The following HERC4 variants were observed in gnomAD, a reference collection of about 807,000 sequenced individuals.
The protein encoded by HERC4 is probable E3 ubiquitin-protein ligase HERC4.
Under a neutral mutation model 124.3 loss-of-function variants are expected in HERC4, and 28 were observed. That is an observed-to-expected ratio of 0.23 (90% CI 0.17 to 0.31). The LOEUF is 0.31. Ranked by LOEUF, HERC4 falls within the 10% of genes least tolerant of loss-of-function variation. The pLI is 1.00. For synonymous variants in HERC4, 407 were observed against 421.5 expected (o/e 0.97, Z 0.42); for missense variants, 713 against 1,229.3 (o/e 0.58, Z 6.28).
intron 3 of HERC4, among the ~76,000 whole-genome samples, chr10:68,071,835 A>C (rs747072916): frequency 1.3e-5 from 2 of 152,244 alleles, no homozygotes; most frequent in African/African-American, 2.4e-5. Flanking sequence ...AAGAAAATAC[A>C]CTAAGACCTT....
rs2041233295 is a variant in HERC4 at position 68,065,020 on chromosome 10, C to T, written c.226+7863G>A. On this transcript the variant is annotated intron_variant, in intron 3 of 24. Coordinates refer to ENST00000373700, the MANE Select transcript of HERC4 (RefSeq NM_015601.4). ...TAGAATACTTAAATAAATTTTGGTA[C>T]ATCTAAATGATGAAATGTTAATTAT... is the stretch of plus-strand genomic sequence containing the variant. Among the ~76,000 whole-genome samples, 3 of 150,982 alleles carry T rather than the reference C, an allele frequency of 2.0e-5. No individual in the cohort carries two copies. In the South Asian group the frequency reaches 6.3e-4, roughly 31 times the overall value.
chr10:67,998,019 C>A (rs2036995236), intron 9 of HERC4, among the ~76,000 whole-genome samples: 1 of 151,972 alleles, frequency 6.6e-6, no homozygotes, highest in Non-Finnish European at 1.5e-5. Flanking sequence ...CTGCCTCAGC[C>A]TCTGGAGTAG....
rs191890171 is a variant in HERC4, at chr10:67,940,564, C to T, written c.2504+375G>A. Among the ~76,000 whole-genome samples, 220 of 152,166 alleles carry T rather than the reference C, an allele frequency of 1.4e-3. No homozygotes were observed. The East Asian group carries it at 0.02, about 14-fold the overall frequency. On this transcript the variant is annotated intron_variant, in intron 20 of 24. Transcript: ENST00000373700. The stretch of plus-strand genomic sequence containing the variant: ...CCTCCTGAATAGCTGGGACTACAGG[C>T]GTGGGCCACCACGCCTGGCTAATTT...
chr10:67,982,382 C>CA (rs906781753), intron 15 of HERC4, among the ~76,000 whole-genome samples: 16 of 152,260 alleles, frequency 1.1e-4, no homozygotes, highest in Middle Eastern at 3.4e-3. Context: ...GGACAAAAGA[C>CA]AGTCTCTTCA....
At chr10:67,935,043 T>C (rs2032218779) in intron 22 of HERC4, among the ~76,000 whole-genome samples, 1 of 152,112 alleles carries the variant, frequency 6.6e-6, no homozygotes, top group Non-Finnish European at 1.5e-5. Context: ...CGGTTTCCTC[T>C]GAAGTTTTGT....
At chr10:68,062,129 G>A (rs962691576) in intron 3 of HERC4, among the ~76,000 whole-genome samples, 3 of 151,944 alleles carry the variant, frequency 2.0e-5, no homozygotes, top group Non-Finnish European at 4.4e-5. Flanking sequence ...AAACAAAATC[G>A]AAAATAAACA....
intron 3 of HERC4, among the ~76,000 whole-genome samples, chr10:68,046,915 G>A (rs765202157): frequency 2.0e-5 from 3 of 152,076 alleles, no homozygotes; most frequent in Non-Finnish European, 2.9e-5. Context: ...CTGTGATCAC[G>A]CCACTGTATT....
intron 23 of HERC4, among the ~76,000 whole-genome samples, chr10:67,928,274 G>A (rs1175241025): frequency 6.6e-6 from 1 of 152,122 alleles, no homozygotes; most frequent in Non-Finnish European, 1.5e-5. Context: ...TTCATTTTAA[G>A]GTGATTAGAG....
At chr10:68,073,500 C>T (rs2041667760) in intron 2 of HERC4, among the ~76,000 whole-genome samples, 157 bp downstream of exon 2, 1 of 152,170 alleles carries the variant, frequency 6.6e-6, no homozygotes, top group South Asian at 2.1e-4. Context: ...AAATTAATCA[C>T]AATTTTTTCT....
intron 10 of HERC4, 100 bp downstream of exon 10, chr10:67,992,506 G>C: frequency 9.5e-7 from 1 of 1,057,030 alleles, no homozygotes; most frequent in Non-Finnish European, 1.4e-6. Flanking sequence ...AAAAAACTAA[G>C]GCAATTACTT....
chr10:67,932,812 A>G (rs1370668637), intron 22 of HERC4, 32 bp from the exon 23 acceptor site: 1 of 1,539,430 alleles, frequency 6.5e-7, no homozygotes, highest in South Asian at 1.2e-5. Context: ...TGTACAGATT[A>G]TAAAAATCAT....
chr10:67,925,762 C>G (rs1173868209), intron 23 of HERC4, among the ~76,000 whole-genome samples: 1 of 152,042 alleles, frequency 6.6e-6, no homozygotes, highest in Non-Finnish European at 1.5e-5. Context: ...ATCACTCACT[C>G]TGGGGGAAAC....
chr10:67,929,916 C>G (rs1016280988), intron 23 of HERC4, among the ~76,000 whole-genome samples: 1 of 151,262 alleles, frequency 6.6e-6, no homozygotes, highest in African/African-American at 2.4e-5. Flanking sequence ...TAGGTTCAAG[C>G]GATTCTCCTG....
intron 22 of HERC4, among the ~76,000 whole-genome samples, chr10:67,934,056 ACT>A (rs946307712): frequency 6.6e-6 from 1 of 152,230 alleles, no homozygotes; most frequent in Middle Eastern, 3.4e-3. Context: ...CAACTATTTA[ACT>A]CTTTTTGCTA....
chr10:67,991,436 T>G (rs60339707), intron 11 of HERC4, among the ~76,000 whole-genome samples: 2 of 152,166 alleles, frequency 1.3e-5, no homozygotes, highest in Admixed American at 1.3e-4. Context: ...CATCCATTTA[T>G]CCAATGTTAT....
chr10:67,934,667 T>G (rs149291370), intron 22 of HERC4, among the ~76,000 whole-genome samples: 1 of 152,172 alleles, frequency 6.6e-6, no homozygotes, highest in Non-Finnish European at 1.5e-5. Flanking sequence ...ATTTGATAAT[T>G]TGGATACAGA....
At chr10:68,039,850 G>GA (rs201942942) in intron 4 of HERC4, 1,435 of 965,656 alleles carry the variant, frequency 1.5e-3, no homozygotes, top group Middle Eastern at 2.6e-3. Flanking sequence ...AGTATTTTAG[G>GA]AAAAAAAAAC....
chr10:68,051,522 G>GTT (rs898634156), intron 3 of HERC4, among the ~76,000 whole-genome samples: 1 of 145,282 alleles, frequency 6.9e-6, no homozygotes, highest in East Asian at 2.0e-4. Context: ...TTTTTTTTTG[G>GTT]TTTTTTTTTT....
rs774693219 is a variant in HERC4, at chr10:68,025,672, C to T, written c.782G>A (p.Gly261Asp). 7 of 1,606,564 alleles carry T rather than the reference C, an allele frequency of 4.4e-6. No homozygotes were observed. Residue 261 changes from glycine (G) to aspartate (D), a missense_variant, in exon 8 of 25, where the codon GGT becomes GAT. Physicochemically the swap from Gly to Asp is moderately conservative, Grantham distance 94. Transcript: ENST00000373700. Reference sequence around the variant, plus strand: ...TCCAGCTCCAAAAGTAAACACTCCACCTTCCTAAAAAAAGACAAAACCCCT... The same window carrying T: ...TCCAGCTCCAAAAGTAAACACTCCATCTTCCTAAAAAAAGACAAAACCCCT... ...EDHTAALTKE[G>D]GVFTFGAGGY... is the part of the protein sequence containing the mutation.
Sources: gnomAD v4.1 joint callset for allele counts (sites outside exome capture counted in the v4.1 genomes callset) on GRCh38, gnomAD v4.1.1 for gene constraint, MANE v1.5 for transcripts, NCBI Gene and HGNC (gene_info 2026-07-23, HGNC 2026-07-21) for gene names.